Variants in WDFY2 observed in about 807,000 individuals in gnomAD.
WDFY2 encodes the protein WD repeat and FYVE domain-containing protein 2.
A neutral mutation model predicts 56.4 loss-of-function variants in WDFY2; 36 were observed. That is an observed-to-expected ratio of 0.64 (90% CI 0.49 to 0.84). The LOEUF (loss-of-function observed/expected upper bound fraction) is 0.84, where lower values mean the gene tolerates loss of function less well. WDFY2 is among the 40% of genes least tolerant of loss of function. WDFY2 has a pLI of 0.00. For missense variants in WDFY2, 444 were observed against 512.2 expected (o/e 0.87, Z 1.29); for synonymous variants, 176 against 183.7 (o/e 0.96, Z 0.34).
chr13:51,602,563 C>T (rs1301366124), intron 1 of WDFY2, among the ~76,000 whole-genome samples: 1 of 152,204 alleles, frequency 6.6e-6, no homozygotes, highest in Non-Finnish European at 1.5e-5. Context: ...TCCATTATCC[C>T]TAATATGTGG....
At chr13:51,695,343 T>G (rs952415177) in intron 3 of WDFY2, among the ~76,000 whole-genome samples, 1 of 152,166 alleles carries the variant, frequency 6.6e-6, no homozygotes, top group African/African-American at 2.4e-5. Context: ...ATGATGGTGA[T>G]GTACAGATGG....
chr13:51,641,096 G>A (rs546040885), intron 1 of WDFY2, among the ~76,000 whole-genome samples: 12 of 152,000 alleles, frequency 7.9e-5, no homozygotes, highest in East Asian at 5.9e-4. Context: ...ATTTAGAGAC[G>A]GAGTCTCACT....
At chr13:51,713,133 A>G (rs1373292114) in intron 4 of WDFY2, among the ~76,000 whole-genome samples, 2 of 152,230 alleles carry the variant, frequency 1.3e-5, no homozygotes, top group African/African-American at 4.8e-5. Flanking sequence ...TATTAGATCA[A>G]CATTACCTCT....
At chr13:51,670,005 C>G (rs959392009) in intron 2 of WDFY2, among the ~76,000 whole-genome samples, 3 of 152,244 alleles carry the variant, frequency 2.0e-5, no homozygotes, top group African/African-American at 7.2e-5. Flanking sequence ...CTTCACTCAC[C>G]CTTTGGAGAA....
chr13:51,613,452 G>A (rs1251449383), intron 1 of WDFY2, among the ~76,000 whole-genome samples: 1 of 152,194 alleles, frequency 6.6e-6, no homozygotes, highest in East Asian at 1.9e-4. Flanking sequence ...CTTTCCAGTA[G>A]TAGAGTGGTT....
intron 3 of WDFY2, among the ~76,000 whole-genome samples, chr13:51,676,126 CAAGACCCTGGAA>C (rs1004532530): frequency 1.3e-5 from 2 of 152,184 alleles, no homozygotes; most frequent in African/African-American, 4.8e-5. Flanking sequence ...CTCCCACTAC[CAAGACCCTGGAA>C]TTTCCTGCCC....
At chr13:51,727,558 C>A in intron 5 of WDFY2, 120 bp from the exon 6 acceptor site, 1 of 862,746 alleles carries the variant, frequency 1.2e-6, no homozygotes, top group Non-Finnish European at 1.8e-6. Context: ...TCTTTCAGCA[C>A]TGTCTTCACA....
intron 1 of WDFY2, among the ~76,000 whole-genome samples, chr13:51,645,035 A>G (rs1280143515): frequency 6.6e-6 from 1 of 152,208 alleles, no homozygotes; most frequent in Non-Finnish European, 1.5e-5. Context: ...TTTTATTACA[A>G]GTAATTAAAG....
intron 1 of WDFY2, among the ~76,000 whole-genome samples, chr13:51,633,404 T>G (rs775870075): frequency 1.3e-5 from 2 of 152,270 alleles, no homozygotes; most frequent in Non-Finnish European, 2.9e-5. Flanking sequence ...GTTCAACTTC[T>G]GAGCCCCAGT....
At chr13:51,611,962 T>A (rs992367674) in intron 1 of WDFY2, among the ~76,000 whole-genome samples, 6 of 152,112 alleles carry the variant, frequency 3.9e-5, no homozygotes, top group African/African-American at 1.4e-4. Flanking sequence ...ACTGGCTGAA[T>A]ATGGCAGAAA....
chr13:51,663,821 A>G (rs1324211296), intron 2 of WDFY2, among the ~76,000 whole-genome samples: 1 of 152,244 alleles, frequency 6.6e-6, no homozygotes, highest in Non-Finnish European at 1.5e-5. Flanking sequence ...TTCAGAGGCT[A>G]TAAAATAAAT....
intron 1 of WDFY2, chr13:51,590,406 A>G (rs1954020645): frequency 6.6e-6 from 1 of 152,222 alleles, no homozygotes. Context: ...CTTGCACAGC[A>G]TCTTTCTCTG....
intron 7 of WDFY2, among the ~76,000 whole-genome samples, chr13:51,745,756 A>C (rs962785656): frequency 2.0e-5 from 3 of 149,152 alleles, no homozygotes; most frequent in Non-Finnish European, 3.0e-5. Flanking sequence ...AAAAAAAAAA[A>C]AAAAAAAAAC....
At chr13:51,678,925 A>C (rs1955932418) in intron 3 of WDFY2, among the ~76,000 whole-genome samples, 1 of 152,194 alleles carries the variant, frequency 6.6e-6, no homozygotes, top group African/African-American at 2.4e-5. Context: ...TGGATTTAGA[A>C]GACTGGCTAG....
intron 4 of WDFY2, among the ~76,000 whole-genome samples, chr13:51,710,547 T>G (rs1251269302): frequency 6.6e-6 from 1 of 152,164 alleles, no homozygotes; most frequent in African/African-American, 2.4e-5. Flanking sequence ...CCCCATTGTC[T>G]CAGCCCAAAA....
intron 4 of WDFY2, among the ~76,000 whole-genome samples, chr13:51,714,264 C>G (rs1018711872): frequency 6.6e-6 from 1 of 150,766 alleles, no homozygotes; most frequent in Non-Finnish European, 1.5e-5. Flanking sequence ...AAATTGGAAC[C>G]CTCTTTTTGT....
At chr13:51,720,830 C>CT (rs199735652) in intron 5 of WDFY2, among the ~76,000 whole-genome samples, 54 of 151,062 alleles carry the variant, frequency 3.6e-4, no homozygotes, top group African/African-American at 5.3e-4. Context: ...TCTCTGTGGC[C>CT]TTTTTTTTTA....
chr13:51,607,997 C>T (rs1954415977), intron 1 of WDFY2, among the ~76,000 whole-genome samples: 2 of 151,524 alleles, frequency 1.3e-5, no homozygotes, highest in South Asian at 2.1e-4. Flanking sequence ...GTGATGTGGC[C>T]ACAAGCTAAG....
chr13:51,657,125 C>T (rs1475576648), intron 1 of WDFY2, among the ~76,000 whole-genome samples: 1 of 151,900 alleles, frequency 6.6e-6, no homozygotes, highest in Non-Finnish European at 1.5e-5. Context: ...TTATTTTTCT[C>T]TTCTGTATAC....
Sources: allele counts gnomAD v4.1 joint callset (sites outside exome capture counted in the v4.1 genomes callset), GRCh38; gene constraint gnomAD v4.1.1; transcripts MANE v1.5; gene names NCBI Gene and HGNC (gene_info 2026-07-23, HGNC 2026-07-21).